CACNA1E: variants seen among roughly 807,000 people sequenced by gnomAD.
The protein encoded by CACNA1E is voltage-dependent R-type calcium channel subunit alpha-1E.
Under a neutral mutation model 259.2 loss-of-function variants are expected in CACNA1E, and 40 were observed. That is an observed-to-expected ratio of 0.15 (90% CI 0.12 to 0.20). The LOEUF (loss-of-function observed/expected upper bound fraction) is 0.20, where lower values mean the gene tolerates loss of function less well. CACNA1E is among the 10% of genes least tolerant of loss of function. The probability of loss-of-function intolerance (pLI) is 1.00; values close to 1 mark genes in which losing one functional copy is unlikely to be tolerated. For missense variants in CACNA1E, 1,874 were observed against 3,040.1 expected (o/e 0.62, Z 9.02); for synonymous variants, 1,104 against 1,138.5 (o/e 0.97, Z 0.61).
At chr1:181,700,166 A>G (rs1185095897) in intron 7 of CACNA1E, among the ~76,000 whole-genome samples, 1 of 152,136 alleles carries the variant, frequency 6.6e-6, no homozygotes, top group Non-Finnish European at 1.5e-5. Flanking sequence ...AATCAAACAA[A>G]AGAGTGGGTG....
Position 181,716,036 on chromosome 1 carries a change from G to T in CACNA1E, c.1226-4G>T, listed in dbSNP as rs747233333. ...CTCACTGGTCTTCCCTTTCCCTGATGCAGTGCTTCGAAGGGCAACCATCAA... is the reference window on the plus strand; with the variant it reads ...CTCACTGGTCTTCCCTTTCCCTGATTCAGTGCTTCGAAGGGCAACCATCAA... On this transcript the variant is annotated splice_polypyrimidine_tract_variant and splice_region_variant and intron_variant, in intron 9 of 47. Transcript: ENST00000367573. The T allele has an allele frequency of 6.4e-7, 1 of 1,560,530 alleles. No homozygotes were observed. The highest frequency in any genetic ancestry group is 1.2e-5 in the South Asian group (1 of 84,526).
chr1:181,348,000 GAT>G (rs537078721), intron 1 of CACNA1E, among the ~76,000 whole-genome samples: 3 of 152,370 alleles, frequency 2.0e-5, no homozygotes, highest in African/African-American at 7.2e-5. Flanking sequence ...GAACACAAAG[GAT>G]CCTCTCTGGG....
chr1:181,564,713 G>A (rs1649650055), intron 3 of CACNA1E, among the ~76,000 whole-genome samples: 1 of 152,200 alleles, frequency 6.6e-6, no homozygotes, highest in African/African-American at 2.4e-5. Context: ...TATGGCAGCT[G>A]TAGTCTTCTG....
chr1:181,419,564 C>T (rs1330770212), intron 2 of CACNA1E, among the ~76,000 whole-genome samples: 1 of 152,200 alleles, frequency 6.6e-6, no homozygotes, highest in Non-Finnish European at 1.5e-5. Context: ...CAAACACACA[C>T]ACATACATAC....
intron 3 of CACNA1E, among the ~76,000 whole-genome samples, chr1:181,558,648 C>A (rs1423559921): frequency 1.3e-5 from 2 of 152,074 alleles, no homozygotes; most frequent in African/African-American, 4.8e-5. Context: ...CAGGCGGAGG[C>A]GTGGCAAGAG....
chr1:181,540,569 A>G (rs1254946012), intron 3 of CACNA1E, among the ~76,000 whole-genome samples: 1 of 152,204 alleles, frequency 6.6e-6, no homozygotes, highest in Non-Finnish European at 1.5e-5. Flanking sequence ...CGTGTGCAGG[A>G]AAGACTCTCT....
chr1:181,733,347 T>G, intron 20 of CACNA1E, 90 bp from the exon 21 acceptor site: 5 of 1,199,166 alleles, frequency 4.2e-6, no homozygotes, highest in Non-Finnish European at 5.8e-6. Context: ...CCAGGCTGCC[T>G]GAGCTTCCCC....
At chr1:181,746,856 G>T (rs1657130808) in intron 25 of CACNA1E, among the ~76,000 whole-genome samples, 2 of 152,116 alleles carry the variant, frequency 1.3e-5, no homozygotes, top group Non-Finnish European at 2.9e-5. Context: ...TCAGAGTCAG[G>T]CACATTTAGG....
At chr1:181,401,854 G>A (rs1261700746) in intron 1 of CACNA1E, among the ~76,000 whole-genome samples, 1 of 152,184 alleles carries the variant, frequency 6.6e-6, no homozygotes, top group African/African-American at 2.4e-5. Context: ...ACTCCTCTTG[G>A]AATTACTGCC....
intron 2 of CACNA1E, among the ~76,000 whole-genome samples, chr1:181,428,205 A>C (rs1659447441): frequency 6.6e-6 from 1 of 152,198 alleles, no homozygotes; most frequent in South Asian, 2.1e-4. Flanking sequence ...CTCAGCCTCA[A>C]ATTGAAATGT....
intron 1 of CACNA1E, among the ~76,000 whole-genome samples, chr1:181,360,010 A>G (rs1361787346): frequency 1.3e-5 from 2 of 152,072 alleles, no homozygotes; most frequent in African/African-American, 2.4e-5. Context: ...CCCTCTCTCA[A>G]TGCAAGGCTG....
intron 1 of CACNA1E, among the ~76,000 whole-genome samples, chr1:181,386,675 G>A (rs1655872074): frequency 6.6e-6 from 1 of 152,170 alleles, no homozygotes; most frequent in Admixed American, 6.5e-5. Context: ...TTATTGAAAT[G>A]TAAATAGCTC....
intron 7 of CACNA1E, among the ~76,000 whole-genome samples, chr1:181,667,764 T>C (rs999430009): frequency 6.6e-6 from 1 of 151,762 alleles, no homozygotes; most frequent in African/African-American, 2.4e-5. Flanking sequence ...CCCCAAGTGC[T>C]GAATGAGTCA....
At chr1:181,501,519 C>G (rs1007717799) in intron 1 of CACNA1E, among the ~76,000 whole-genome samples, 2 of 152,190 alleles carry the variant, frequency 1.3e-5, no homozygotes, top group African/African-American at 4.8e-5. Flanking sequence ...ATGGGTAATG[C>G]TTAGGATCTT....
intron 1 of CACNA1E, among the ~76,000 whole-genome samples, chr1:181,508,147 T>TTG (rs55742094): frequency 0.029 from 4,369 of 148,782 alleles, 94 homozygotes; most frequent in African/African-American, 0.071. Flanking sequence ...CCCAAACGCC[T>TTG]TGTGTGTGTG....
At chr1:181,526,207 C>T (rs1442410533) in intron 3 of CACNA1E, among the ~76,000 whole-genome samples, 1 of 152,094 alleles carries the variant, frequency 6.6e-6, no homozygotes, top group East Asian at 1.9e-4. Flanking sequence ...TTGGCAACAT[C>T]CCTGTGAGGT....
In CACNA1E at chr1:181,758,448, T is replaced by C. The variant is rs985460704; in HGVS notation, c.4495-310T>C. 5.3e-5 allele frequency among the ~76,000 whole-genome samples: 8 copies of C among 152,226 alleles called. No homozygotes were observed. The highest frequency in any genetic ancestry group is 1.9e-4 in the African/African-American group (8 of 41,460). ...TTGGAGTATTCAGAGAGGCTCATCC[T>C]ATTTAATATTAAATGACTAACTCCA... On this transcript the variant is annotated intron_variant, in intron 31 of 47. Coordinates refer to ENST00000367573, the MANE Select transcript of CACNA1E (RefSeq NM_001205293.3). The surrounding 1 kb of genome is among the most constrained non-coding windows in gnomAD (Gnocchi z 4.2).
rs1475773017 is a variant in CACNA1E at position 181,756,952 on chromosome 1, A to C, written c.4155A>C (p.Thr1385=). The change falls in exon 30 of 48, where the codon ACA becomes ACC. Residue 1385 remains threonine, a synonymous_variant. Coordinates refer to ENST00000367573, the MANE Select transcript of CACNA1E (RefSeq NM_001205293.3). ...TTCTGCAGCACTCTGTAGATGTGAC[A>C]GAGGAAGACCGAGGCCCAAGCCGCA... ...PQVLQHSVDV[T]EEDRGPSRSN... The C allele has an allele frequency of 6.2e-7, 1 of 1,613,652 alleles. No homozygotes were observed.
At chr1:181,638,544 T>C (rs777502962) in intron 6 of CACNA1E, among the ~76,000 whole-genome samples, 5 of 152,170 alleles carry the variant, frequency 3.3e-5, no homozygotes, top group Non-Finnish European at 7.4e-5. Flanking sequence ...TTGTGGGAGC[T>C]TGGGCACATC....
Sources: allele counts gnomAD v4.1 joint callset (sites outside exome capture counted in the v4.1 genomes callset), GRCh38; gene constraint gnomAD v4.1.1; non-coding constraint Gnocchi (gnomAD v3.1); transcripts MANE v1.5; gene names NCBI Gene and HGNC (gene_info 2026-07-23, HGNC 2026-07-21).